FBN1: variants seen among roughly 807,000 people sequenced by gnomAD.
The protein encoded by FBN1 is fibrillin 1.
FBN1 carries 29 observed loss-of-function variants against 365.1 expected under a neutral mutation model. That is an observed-to-expected ratio of 0.08 (90% CI 0.06 to 0.11). FBN1 has a LOEUF of 0.11. Ranked by LOEUF, FBN1 falls within the 10% of genes least tolerant of loss-of-function variation. The pLI, the probability that FBN1 is intolerant of heterozygous loss-of-function variation, is 1.00. For missense variants in FBN1, 2,476 were observed against 3,703.2 expected, an observed-to-expected ratio of 0.67 and a Z score of 8.60; for synonymous variants, 1,210 against 1,270.5, an observed-to-expected ratio of 0.95 and a Z score of 1.01.
intron 17 of FBN1, among the ~76,000 whole-genome samples, chr15:48,499,752 A>C (rs1466224318): frequency 6.6e-6 from 1 of 152,242 alleles, no homozygotes; most frequent in Non-Finnish European, 1.5e-5. Context: ...ACTTAACATA[A>C]GAGTGAATGA....
chr15:48,411,495 T>A, intron 65 of FBN1, 116 bp from the exon 66 acceptor site: 1 of 897,646 alleles, frequency 1.1e-6, no homozygotes, highest in Non-Finnish European at 1.8e-6. Context: ...TTATGCTGCA[T>A]ACACAATATT....
intron 57 of FBN1, 116 bp from the exon 58 acceptor site, chr15:48,427,889 G>T: frequency 2.3e-6 from 2 of 888,036 alleles, no homozygotes; most frequent in Non-Finnish European, 1.8e-6. Context: ...TACCCTGGGT[G>T]AGAAGAAGCA....
At chr15:48,437,120 T>C in intron 52 of FBN1, 43 bp from the exon 53 acceptor site, 1 of 1,370,174 alleles carries the variant, frequency 7.3e-7, no homozygotes, top group Non-Finnish European at 1.0e-6. Flanking sequence ...AGGTATTTTT[T>C]AAACGTGAAG....
intron 35 of FBN1, 93 bp downstream of exon 35, chr15:48,472,458 T>A (rs1217496319): frequency 1.6e-4 from 191 of 1,181,870 alleles, no homozygotes; most frequent in African/African-American, 1.9e-4. Context: ...CACCTCAGTT[T>A]AAAAAAAAAA....
chr15:48,440,872 T>C (rs76289023), intron 50 of FBN1, among the ~76,000 whole-genome samples: 3,242 of 133,338 alleles, frequency 0.024, 67 homozygotes, highest in East Asian at 0.091. Flanking sequence ...CCATATTTGG[T>C]AATACGGAAG....
chr15:48,453,200 G>A (rs148726542), intron 44 of FBN1, among the ~76,000 whole-genome samples: 653 of 150,120 alleles, frequency 4.3e-3, no homozygotes, highest in African/African-American at 0.015. Flanking sequence ...AGGTAGCAGC[G>A]AGCCAAGATC....
At chr15:48,436,921 T>C in intron 53 of FBN1, 40 bp downstream of exon 53, 1 of 1,268,346 alleles carries the variant, frequency 7.9e-7, no homozygotes, top group Non-Finnish European at 1.2e-6. Flanking sequence ...GCTTAATTTT[T>C]AATTTGTAAA....
chr15:48,437,650 A>T, intron 51 of FBN1, 118 bp downstream of exon 51: 2 of 1,131,392 alleles, frequency 1.8e-6, no homozygotes, highest in Non-Finnish European at 2.6e-6. Flanking sequence ...TGAACATTCT[A>T]ATTAGACTTA....
intron 2 of FBN1, among the ~76,000 whole-genome samples, chr15:48,614,228 G>A (rs1889606053): frequency 6.6e-6 from 1 of 152,206 alleles, no homozygotes; most frequent in African/African-American, 2.4e-5. Context: ...GCGATCAGGG[G>A]CTAATAAGGA....
Position 48,508,596 on chromosome 15 carries a change from C to G in FBN1, c.1823G>C (p.Gly608Ala), listed in dbSNP as rs368283028. The G allele has an allele frequency of 6.2e-7, 1 of 1,613,714 alleles. No homozygotes were observed. The highest frequency in any genetic ancestry group is 8.5e-7 in the Non-Finnish European group (1 of 1,179,756). ...CKPGFQLASD[G>A]RYCKDINECE... is the part of the protein sequence containing the mutation. The stretch of plus-strand genomic sequence containing the variant: ...ATAGCACGAACCTTTGCAATAACGT[C>G]CATCTGATGCCAGCTGGAATCCAGG... The change falls in exon 15 of 66, where the codon GGA becomes GCA. Residue 608 changes from glycine to alanine, a missense_variant. Around this residue, in one of 5 missense-constraint regions of FBN1, gnomAD observed 1,780 missense variants for 2,840.8 expected, o/e 0.63. Transcript: ENST00000316623.
At chr15:48,515,060 T>C (rs2043789411) in intron 12 of FBN1, among the ~76,000 whole-genome samples, 1 of 152,058 alleles carries the variant, frequency 6.6e-6, no homozygotes, top group Non-Finnish European at 1.5e-5. Flanking sequence ...GACAAAGAGA[T>C]TTGAAGATGC....
chr15:48,454,110 AAT>A (rs2043221841), intron 44 of FBN1, among the ~76,000 whole-genome samples: 1 of 152,236 alleles, frequency 6.6e-6, no homozygotes, highest in South Asian at 2.1e-4. Flanking sequence ...GAATGTCTCA[AAT>A]CTTAAAGTCC....
chr15:48,430,097 A>G (rs1222111574), intron 56 of FBN1, among the ~76,000 whole-genome samples: 1 of 152,224 alleles, frequency 6.6e-6, no homozygotes, highest in South Asian at 2.1e-4. Context: ...ATTTATAAAA[A>G]CACACAGTGG....
intron 42 of FBN1, among the ~76,000 whole-genome samples, chr15:48,462,600 G>T (rs2043287623): frequency 6.6e-6 from 1 of 152,076 alleles, no homozygotes; most frequent in African/African-American, 2.4e-5. Flanking sequence ...TTGTGTATTA[G>T]TCCTGCTCCT....
At chr15:48,634,600 C>G (rs1050602149) in intron 2 of FBN1, among the ~76,000 whole-genome samples, 1 of 152,028 alleles carries the variant, frequency 6.6e-6, no homozygotes. Context: ...CCCTGTTTTG[C>G]TTTTTGAACA....
intron 33 of FBN1, 21 bp from the exon 34 acceptor site, chr15:48,474,398 CATT>C (rs1204995049): frequency 6.2e-7 from 1 of 1,613,908 alleles, no homozygotes. Flanking sequence ...AAGGTTATAT[CATT>C]ATTAACAGAA....
chr15:48,512,293 TAAAGTG>T (rs1197304726), intron 13 of FBN1, among the ~76,000 whole-genome samples: 1 of 152,230 alleles, frequency 6.6e-6, no homozygotes, highest in Non-Finnish European at 1.5e-5. Context: ...ACCAATTTTC[TAAAGTG>T]ATATAAACCT....
chr15:48,523,705 G>GTTT (rs1282158423), intron 9 of FBN1, among the ~76,000 whole-genome samples: 114 of 134,494 alleles, frequency 8.5e-4, no homozygotes, highest in African/African-American at 3.0e-3. Flanking sequence ...CACACCAAGG[G>GTTT]TGGCTGGGGG....
Position 48,410,586 on chromosome 15 carries a change from T to A in FBN1, c.*404A>T, listed in dbSNP as rs2042852353. On this transcript the variant is annotated 3_prime_UTR_variant, in exon 66 of 66. Transcript: ENST00000316623. ...ATTTACTAGCACCAAATAGGTACCA[T>A]AAATGGACAACCTAGTACTTGTATT... 5.5e-6 allele frequency: 1 copy of A among 181,388 alleles called. No individual in the cohort carries two copies. The highest frequency in any genetic ancestry group is 5.6e-5 in the Admixed American group (1 of 17,958). The allele number at this position is 181,388 out of a possible 1,614,324, so 11.2% of individuals were successfully genotyped here. A position where few individuals can be genotyped will look rare whatever the true frequency, so the allele number is the denominator to read the frequency against.
Sources: gnomAD v4.1 joint callset for allele counts (sites outside exome capture counted in the v4.1 genomes callset) on GRCh38, gnomAD v4.1.1 for gene constraint, gnomAD v4.1.1 regional missense constraint, MANE v1.5 for transcripts, NCBI Gene and HGNC (gene_info 2026-07-23, HGNC 2026-07-21) for gene names.